The following DNAH14 variants were observed in gnomAD, a reference collection of about 807,000 sequenced individuals.
The protein encoded by DNAH14 is dynein axonemal heavy chain 14, also known as axonemal beta dynein heavy chain 14.
A neutral mutation model predicts 520.9 loss-of-function variants in DNAH14; 478 were observed. The ratio of observed to expected loss-of-function variants is 0.92; its 90% confidence interval spans 0.85 to 0.99. The LOEUF (loss-of-function observed/expected upper bound fraction) is 0.99, where lower values mean the gene tolerates loss of function less well. DNAH14 is among the 50% of genes least tolerant of loss of function. DNAH14 has a pLI of 0.00. For synonymous variants in DNAH14, 1,581 were observed against 1,757.2 expected (o/e 0.90, Z 2.51); for missense variants, 4,831 against 5,234.5 (o/e 0.92, Z 2.38).
intron 49 of DNAH14, among the ~76,000 whole-genome samples, chr1:225,267,155 A>G (rs984276381): frequency 3.3e-5 from 5 of 152,154 alleles, no homozygotes; most frequent in East Asian, 3.8e-4. Context: ...CTTAATGTCT[A>G]TATAAGATTA....
At chr1:225,099,567 T>C (rs2075277324) in intron 22 of DNAH14, among the ~76,000 whole-genome samples, 1 of 152,058 alleles carries the variant, frequency 6.6e-6, no homozygotes, top group African/African-American at 2.4e-5. Context: ...CCAACCAGAA[T>C]TATGTAGTCC....
At chr1:224,939,069 A>G (rs1386561001) in intron 1 of DNAH14, among the ~76,000 whole-genome samples, 1 of 152,204 alleles carries the variant, frequency 6.6e-6, no homozygotes, top group Non-Finnish European at 1.5e-5. Flanking sequence ...TATATTTATT[A>G]CCACTGAACT....
intron 48 of DNAH14, among the ~76,000 whole-genome samples, 169 bp downstream of exon 48, chr1:225,265,538 AT>A (rs1048193789): frequency 4.6e-5 from 7 of 152,172 alleles, no homozygotes; most frequent in African/African-American, 1.4e-4. Flanking sequence ...ATATTATTTT[AT>A]TTCCAATATG....
At position 225,364,829 on chromosome 1, in the gene DNAH14, C is replaced by A; in HGVS notation, c.12025C>A (p.Arg4009=). The change falls in exon 76 of 86, where the codon CGG becomes AGG. Residue 4009 remains arginine, a synonymous_variant. Coordinates refer to ENST00000682510, the MANE Select transcript of DNAH14 (RefSeq NM_001367479.1). ...AAACGTGACAATAGACCCTGAGTTT[C>A]GGCTATGGTTAAGCTCAAAATCATA... The part of the protein sequence containing the change: ...SPNVTIDPEF[R]LWLSSKSYSS... 6.5e-7 allele frequency: 1 copy of A among 1,548,410 alleles called. No individual in the cohort carries two copies. Among genetic ancestry groups the A allele is most frequent in the Non-Finnish European group, 8.7e-7 (1 of 1,145,836 alleles).
At position 225,232,724 on chromosome 1, in the gene DNAH14, G is replaced by T. The variant is rs986328064; in HGVS notation, c.6518+1573G>T. ...CCGATTCTTTGGTCTCAATTAAATGGTTACTTCTTCAAAGATACCTTCCCT... is the reference window on the plus strand; with the variant it reads ...CCGATTCTTTGGTCTCAATTAAATGTTTACTTCTTCAAAGATACCTTCCCT... On this transcript the variant is annotated intron_variant, in intron 42 of 85. Transcript: ENST00000682510. This position sits in a 1 kb window ranked among gnomAD's most constrained non-coding sequence, Gnocchi z 4.2. 6.6e-6 allele frequency among the ~76,000 whole-genome samples: 1 copy of T among 152,124 alleles called. No individual in the cohort carries two copies. The highest frequency in any genetic ancestry group is 2.4e-5 in the African/African-American group (1 of 41,432).
intron 34 of DNAH14, among the ~76,000 whole-genome samples, chr1:225,154,411 A>T (rs979332215): frequency 1.3e-5 from 2 of 152,132 alleles, no homozygotes; most frequent in Non-Finnish European, 2.9e-5. Context: ...CTAGCTAGAA[A>T]AATATTAAAA....
In DNAH14 at chr1:225,374,795, T is replaced by C. The variant is rs1190901363; in HGVS notation, c.12426T>C (p.Asp4142=). The change falls in exon 78 of 86, where the codon GAT becomes GAC. Residue 4142 remains aspartate, a synonymous_variant. Coordinates refer to ENST00000682510, the MANE Select transcript of DNAH14 (RefSeq NM_001367479.1). ...GEVIYGGRVI[D]NWDKRCLKTL... is the part of the protein sequence containing the mutation. ...TGATTTACGGTGGCCGGGTGATTGATAATTGGGACAAGCGATGCTTGAAGA... is the reference window on the plus strand; with the variant it reads ...TGATTTACGGTGGCCGGGTGATTGACAATTGGGACAAGCGATGCTTGAAGA... 6.4e-7 allele frequency: 1 copy of C among 1,551,572 alleles called. No individual in the cohort carries two copies.
chr1:225,056,459 A>T (rs1449957598), intron 17 of DNAH14, among the ~76,000 whole-genome samples: 1 of 151,716 alleles, frequency 6.6e-6, no homozygotes, highest in Admixed American at 6.6e-5. Flanking sequence ...GATTGCAAAA[A>T]TTTTCTCCCA....
intron 1 of DNAH14, among the ~76,000 whole-genome samples, chr1:224,952,116 A>C (rs1397574540): frequency 6.6e-6 from 1 of 152,170 alleles, no homozygotes; most frequent in African/African-American, 2.4e-5. Flanking sequence ...TAGCACATCA[A>C]CTTTATTTAG....
At chr1:225,025,796 G>T (rs1248115779) in intron 11 of DNAH14, among the ~76,000 whole-genome samples, 1 of 152,058 alleles carries the variant, frequency 6.6e-6, no homozygotes, top group African/African-American at 2.4e-5. Flanking sequence ...TGTTGTTTGA[G>T]AATAAACACA....
intron 8 of DNAH14, among the ~76,000 whole-genome samples, chr1:224,974,660 T>C (rs2061696496): frequency 6.6e-6 from 1 of 152,166 alleles, no homozygotes; most frequent in African/African-American, 2.4e-5. Flanking sequence ...ATAATCAAGA[T>C]ATAGAACACT....
At chr1:225,107,371 A>G (rs3101916) in intron 23 of DNAH14, among the ~76,000 whole-genome samples, 39,657 of 152,066 alleles carry the variant, frequency 0.26, 8,028 homozygotes, top group African/African-American at 0.56. Context: ...CCAGCTGCGT[A>G]CTGCTTTAGT....
chr1:225,379,637 C>T (rs868795445), intron 79 of DNAH14, among the ~76,000 whole-genome samples: 32 of 152,128 alleles, frequency 2.1e-4, no homozygotes, highest in Non-Finnish European at 2.4e-4. Context: ...AAGTGATTCT[C>T]GTGCCTCAGC....
intron 1 of DNAH14, among the ~76,000 whole-genome samples, chr1:224,938,088 A>G (rs1380778777): frequency 3.3e-5 from 5 of 152,218 alleles, no homozygotes; most frequent in African/African-American, 4.8e-5. Flanking sequence ...AACTGAAACT[A>G]TGAAACTACT....
chr1:224,972,979 A>G (rs1292102532), intron 7 of DNAH14, among the ~76,000 whole-genome samples: 1 of 152,166 alleles, frequency 6.6e-6, no homozygotes, highest in Non-Finnish European at 1.5e-5. Context: ...TCCTTACACT[A>G]TCACTGGGTT....
intron 38 of DNAH14, among the ~76,000 whole-genome samples, chr1:225,201,773 G>A (rs979055763): frequency 6.6e-6 from 1 of 152,098 alleles, no homozygotes; most frequent in African/African-American, 2.4e-5. Context: ...AAGTGGCAAG[G>A]GGATAAAATG....
intron 17 of DNAH14, among the ~76,000 whole-genome samples, chr1:225,065,225 T>G (rs1315905579): frequency 6.6e-6 from 1 of 151,954 alleles, no homozygotes; most frequent in Non-Finnish European, 1.5e-5. Flanking sequence ...GGTTTTACAT[T>G]GTTGTATATA....
At position 224,929,687 on chromosome 1, in the gene DNAH14, CG is replaced by C. The variant is rs1383454956; in HGVS notation, c.-180del. 1.4e-6 allele frequency: 1 copy of C among 702,466 alleles called. No homozygotes were observed. Among genetic ancestry groups the C allele is most frequent in the Admixed American group, 2.0e-5 (1 of 50,024 alleles). The allele number at this position is 702,466 out of a possible 1,614,324, so 43.5% of individuals were successfully genotyped here. The stretch of plus-strand genomic sequence containing the variant: ...GGCGTGGCTCTTGGTCAGGCGGTTA[CG>C]GCCAGGAGGCGTCGGAGCCTGGCGT... On this transcript the variant is annotated 5_prime_UTR_variant, in exon 1 of 86. Coordinates refer to ENST00000682510, the MANE Select transcript of DNAH14 (RefSeq NM_001367479.1).
intron 54 of DNAH14, among the ~76,000 whole-genome samples, chr1:225,281,892 A>C (rs974150609): frequency 6.6e-6 from 1 of 152,220 alleles, no homozygotes; most frequent in Non-Finnish European, 1.5e-5. Flanking sequence ...ACTCATGTAC[A>C]GTATGATAAT....
Sources: gnomAD v4.1 joint callset for allele counts (sites outside exome capture counted in the v4.1 genomes callset) on GRCh38, gnomAD v4.1.1 for gene constraint, Gnocchi (gnomAD v3.1) non-coding constraint, MANE v1.5 for transcripts, NCBI Gene and HGNC (gene_info 2026-07-23, HGNC 2026-07-21) for gene names.